The following PCLO variants were observed in gnomAD, a reference collection of about 807,000 sequenced individuals.
The protein encoded by PCLO is piccolo presynaptic cytomatrix protein.
In PCLO, 82 loss-of-function variants were observed where a neutral mutation model predicts 427.5. The observed-to-expected ratio is 0.19, with a 90% CI of 0.16 to 0.23. The LOEUF (loss-of-function observed/expected upper bound fraction) is 0.23. Ranked by LOEUF, PCLO falls within the 10% of genes least tolerant of loss-of-function variation. The pLI is 1.00. For missense variants in PCLO, 6,239 were observed against 6,115.9 expected, an observed-to-expected ratio of 1.02 and a Z score of -0.67; for synonymous variants, 2,357 against 2,155.4, an observed-to-expected ratio of 1.09 and a Z score of -2.59.
In PCLO at chr7:82,952,185, A is replaced by G; in HGVS notation, c.8768T>C (p.Ile2923Thr). ...DESTSSVMTK[I>T]IEDEKPVDLT... ...ATCAACGGGTTTTTCATCTTCTATT[A>G]TTTTGGTCATCACACTTGAAGTAGA... The change falls in exon 5 of 25, where the codon ATA becomes ACA. Residue 2923 changes from isoleucine to threonine, a missense_variant. Around this residue, in one of 5 missense-constraint regions of PCLO, gnomAD observed 4,677 missense variants for 4,468.4 expected, o/e 1.05. Transcript: ENST00000333891. 1 of 1,613,636 alleles carries G rather than the reference A, an allele frequency of 6.2e-7. No homozygotes were observed. Among genetic ancestry groups the G allele is most frequent in the South Asian group, 1.1e-5 (1 of 91,084 alleles).
At chr7:83,102,379 T>G (rs765219727) in intron 3 of PCLO, among the ~76,000 whole-genome samples, 2 of 151,980 alleles carry the variant, frequency 1.3e-5, no homozygotes. Flanking sequence ...ATATAAACAA[T>G]TTAACTCAGA....
chr7:83,153,618 G>A (rs183743273), intron 2 of PCLO, among the ~76,000 whole-genome samples: 12 of 152,230 alleles, frequency 7.9e-5, no homozygotes, highest in Non-Finnish European at 1.5e-4. Flanking sequence ...CCCACTAACA[G>A]CTGTCCTCCA....
At chr7:82,891,224 T>C (rs1417388031) in intron 9 of PCLO, among the ~76,000 whole-genome samples, 2 of 152,120 alleles carry the variant, frequency 1.3e-5, no homozygotes, top group East Asian at 3.9e-4. Flanking sequence ...GAAAGTCTGA[T>C]TAGCTATTTT....
At chr7:83,159,095 T>C (rs1203722528) in intron 1 of PCLO, among the ~76,000 whole-genome samples, 4 of 152,110 alleles carry the variant, frequency 2.6e-5, no homozygotes, top group Non-Finnish European at 5.9e-5. Flanking sequence ...AACTAGTAGA[T>C]GAGCATTAAT....
chr7:82,871,181 A>G (rs1273126430), intron 10 of PCLO, among the ~76,000 whole-genome samples: 1 of 152,018 alleles, frequency 6.6e-6, no homozygotes, highest in Non-Finnish European at 1.5e-5. Flanking sequence ...AGCACTATTC[A>G]AAATAGCCAA....
At chr7:82,873,421 C>T (rs181138789) in intron 10 of PCLO, among the ~76,000 whole-genome samples, 137 of 152,074 alleles carry the variant, frequency 9.0e-4, no homozygotes, top group African/African-American at 3.1e-3. Flanking sequence ...GAGTCTTATA[C>T]GGCAATTTTG....
intron 6 of PCLO, among the ~76,000 whole-genome samples, chr7:82,942,146 A>G (rs114183901): frequency 0.016 from 2,439 of 152,258 alleles, 63 homozygotes; most frequent in African/African-American, 0.056. Flanking sequence ...ATCATTGCTC[A>G]AGTCAATCAT....
chr7:83,123,159 T>G (rs563901838), intron 3 of PCLO, among the ~76,000 whole-genome samples: 2 of 152,228 alleles, frequency 1.3e-5, no homozygotes, highest in East Asian at 3.9e-4. Flanking sequence ...AGACCAAGAA[T>G]AGCCAAAGCC....
intron 3 of PCLO, among the ~76,000 whole-genome samples, chr7:83,090,968 G>A (rs1331380539): frequency 6.6e-6 from 1 of 151,834 alleles, no homozygotes; most frequent in Non-Finnish European, 1.5e-5. Context: ...GTACTTTTTG[G>A]TACCAATTAG....
At chr7:82,842,857 C>T (rs545678124) in intron 13 of PCLO, among the ~76,000 whole-genome samples, 2 of 152,126 alleles carry the variant, frequency 1.3e-5, no homozygotes, top group East Asian at 3.9e-4. Context: ...AATGAGATAT[C>T]AACTCACCCC....
At chr7:82,843,560 A>G (rs1792421706) in intron 13 of PCLO, among the ~76,000 whole-genome samples, 1 of 152,094 alleles carries the variant, frequency 6.6e-6, no homozygotes, top group Non-Finnish European at 1.5e-5. Flanking sequence ...TTTAAGCCAA[A>G]TATTTCAGAG....
chr7:83,078,766 G>C (rs1433534586), intron 3 of PCLO, among the ~76,000 whole-genome samples: 1 of 151,986 alleles, frequency 6.6e-6, no homozygotes, highest in Non-Finnish European at 1.5e-5. Context: ...GAATTCCTGA[G>C]CTCTGGCAAT....
chr7:83,058,982 C>G (rs1789471491), intron 3 of PCLO, among the ~76,000 whole-genome samples: 1 of 151,972 alleles, frequency 6.6e-6, no homozygotes, highest in Admixed American at 6.6e-5. Flanking sequence ...GGAATGCAAA[C>G]TATAAATGAT....
Position 83,096,876 on chromosome 7 carries a change from T to TAATATATTATATAATATAAATATATATAA in PCLO, c.3300+37373_3300+37374insTTATATATATTTATATTATATAATATATT, listed in dbSNP as rs1562962094. On this transcript the variant is annotated intron_variant, in intron 3 of 24. Coordinates refer to ENST00000333891, the MANE Select transcript of PCLO (RefSeq NM_033026.6). Reference sequence around the variant, plus strand: ...ATATATAAAAATATATTATATAATATAAATATATTATATAATATATTAATA... The same window carrying TAATATATTATATAATATAAATATATATAA: ...ATATATAAAAATATATTATATAATATAATATATTATATAATATAAATATATATAAAAATATATTATATAATATATTAATA... Among the ~76,000 whole-genome samples the TAATATATTATATAATATAAATATATATAA allele has an allele frequency of 2.7e-5, 2 of 74,702 alleles. 1 individual carries two copies. Among genetic ancestry groups the TAATATATTATATAATATAAATATATATAA allele is most frequent in the African/African-American group, 1.3e-4 (2 of 15,430 alleles). 49.0% of individuals were successfully genotyped at this position (74,702 alleles called of 152,430 possible). A position where few individuals can be genotyped will look rare whatever the true frequency, so the allele number is the denominator to read the frequency against.
intron 1 of PCLO, 137 bp downstream of exon 1, chr7:83,162,208 A>C (rs1437154284): frequency 8.5e-5 from 79 of 926,338 alleles, no homozygotes; most frequent in Non-Finnish European, 1.1e-4. Flanking sequence ...GGATCTCTCT[A>C]TGGCCACCCC....
In PCLO at chr7:82,952,989, G is replaced by A. The variant is rs774964640; in HGVS notation, c.7964C>T (p.Ala2655Val). 3.1e-6 allele frequency: 5 copies of A among 1,613,758 alleles called. No homozygotes were observed. The South Asian group carries it at 5.5e-5, about 18-fold the overall frequency. ...LQTFSATPVT[A>V]PSSFQAAPTS... The stretch of plus-strand genomic sequence containing the variant: ...GGGAGCTGCTTGAAATGAAGAGGGT[G>A]CTGTGACAGGGGTAGCAGAAAATGT... Residue 2655 changes from alanine to valine, a missense_variant, in exon 5 of 25, where the codon GCA becomes GTA. Ala to Val is a moderately conservative substitution (Grantham distance 64, BLOSUM62 0). Transcript: ENST00000333891.
chr7:83,109,740 C>T (rs1441987033), intron 3 of PCLO, among the ~76,000 whole-genome samples: 1 of 152,062 alleles, frequency 6.6e-6, no homozygotes, highest in Non-Finnish European at 1.5e-5. Flanking sequence ...ATCCATCATT[C>T]TAATCCATTT....
At chr7:83,055,538 T>A (rs1336702802) in intron 3 of PCLO, among the ~76,000 whole-genome samples, 1 of 152,132 alleles carries the variant, frequency 6.6e-6, no homozygotes, top group Non-Finnish European at 1.5e-5. Context: ...TCTCTATCAG[T>A]TAGACACTGT....
At chr7:83,037,989 TTATATATATATATATA>T (rs1161030427) in intron 3 of PCLO, among the ~76,000 whole-genome samples, 7 of 13,596 alleles carry the variant, frequency 5.1e-4, no homozygotes, top group East Asian at 0.019. Context: ...AAGGAGGAGC[TTATATATATATATATA>T]TATATATATA....
Sources: allele counts gnomAD v4.1 joint callset (sites outside exome capture counted in the v4.1 genomes callset), GRCh38; gene constraint gnomAD v4.1.1; regional missense constraint gnomAD v4.1.1; transcripts MANE v1.5; gene names NCBI Gene and HGNC (gene_info 2026-07-23, HGNC 2026-07-21).